Variants in SNX29 observed in about 807,000 individuals in gnomAD.
SNX29 encodes sorting nexin-29.
SNX29 carries 78 observed loss-of-function variants against 102.1 expected under a neutral mutation model. The ratio of observed to expected loss-of-function variants is 0.76; its 90% CI spans 0.64 to 0.92. The LOEUF is 0.92. SNX29 is among the 40% of genes least tolerant of loss of function. The pLI is 0.00. For missense variants in SNX29, 1,280 were observed against 1,061.7 expected, an observed-to-expected ratio of 1.21 and a Z score of -2.86; for synonymous variants, 580 against 414.5, an observed-to-expected ratio of 1.40 and a Z score of -4.85.
intron 14 of SNX29, among the ~76,000 whole-genome samples, chr16:12,253,816 G>C (rs1241657695): frequency 6.6e-6 from 1 of 152,180 alleles, no homozygotes; most frequent in African/African-American, 2.4e-5. Context: ...GAAGTTTGCT[G>C]TGTGGAGACT....
chr16:12,199,497 T>C, intron 13 of SNX29, 104 bp from the exon 14 acceptor site: 1 of 836,108 alleles, frequency 1.2e-6, no homozygotes, highest in East Asian at 2.7e-5. Context: ...AGATGCAAAT[T>C]GTGCTTTTCT....
rs915963780 is a variant in SNX29 at position 12,569,416 on chromosome 16, C to A, written c.*787C>A. 2 of 230,366 alleles carry A rather than the reference C, an allele frequency of 8.7e-6. No homozygotes were observed. Among genetic ancestry groups the A allele is most frequent in the Non-Finnish European group, 1.7e-5 (2 of 116,370 alleles). 14.3% of individuals were successfully genotyped at this position (230,366 alleles called of 1,614,324 possible). On this transcript the variant is annotated 3_prime_UTR_variant, in exon 21 of 21. Transcript: ENST00000566228. ...CATCAGCAGCAACCTAGTAACCCGG[C>A]GTCATCCAGCGTGTCCAAAGTAGCA...
chr16:12,336,492 T>C, intron 15 of SNX29, among the ~76,000 whole-genome samples: 1 of 152,182 alleles, frequency 6.6e-6, no homozygotes, highest in East Asian at 1.9e-4. Flanking sequence ...GCTTAAAATT[T>C]TTTCCCCTCA....
At chr16:12,109,841 C>T (rs548011613) in intron 11 of SNX29, among the ~76,000 whole-genome samples, 1 of 152,264 alleles carries the variant, frequency 6.6e-6, no homozygotes, top group South Asian at 2.1e-4. Flanking sequence ...AGCAGTTCTC[C>T]TGCCTCAGCC....
chr16:11,997,966 AG>A (rs1229392310), intron 1 of SNX29, among the ~76,000 whole-genome samples: 1 of 152,164 alleles, frequency 6.6e-6, no homozygotes, highest in Non-Finnish European at 1.5e-5. Context: ...CCTGGCTTAT[AG>A]GGTGAATGTG....
chr16:12,170,556 T>A (rs113174984), intron 13 of SNX29, among the ~76,000 whole-genome samples: 2,993 of 151,730 alleles, frequency 0.02, 101 homozygotes, highest in African/African-American at 0.068. Context: ...GTAGATGGGC[T>A]GTTCGTGGGG....
At chr16:12,412,396 T>G (rs766613815) in intron 18 of SNX29, among the ~76,000 whole-genome samples, 6 of 152,208 alleles carry the variant, frequency 3.9e-5, no homozygotes, top group Non-Finnish European at 7.3e-5. Context: ...TGAACCTGTT[T>G]CCATAACATG....
chr16:12,554,142 T>C (rs2078172033), intron 20 of SNX29, among the ~76,000 whole-genome samples: 1 of 152,254 alleles, frequency 6.6e-6, no homozygotes, highest in South Asian at 2.1e-4. Context: ...TGCTTTGCTC[T>C]TTACTGTGTT....
At chr16:12,449,782 C>T (rs1197246597) in intron 18 of SNX29, among the ~76,000 whole-genome samples, 2 of 152,198 alleles carry the variant, frequency 1.3e-5, no homozygotes, top group East Asian at 3.9e-4. Context: ...GTGAACTTTC[C>T]TAAATCCCAT....
At chr16:12,187,083 T>C (rs1333086463) in intron 13 of SNX29, among the ~76,000 whole-genome samples, 4 of 152,194 alleles carry the variant, frequency 2.6e-5, no homozygotes, top group African/African-American at 4.8e-5. Flanking sequence ...TCTTGAAGAG[T>C]TGGAAGATCT....
At chr16:12,028,138 G>T (rs1469078920) in intron 4 of SNX29, among the ~76,000 whole-genome samples, 5 of 152,142 alleles carry the variant, frequency 3.3e-5, no homozygotes, top group African/African-American at 1.2e-4. Context: ...CACGGCTGCT[G>T]CTGGGAATCC....
At chr16:12,563,916 G>T (rs755699522) in intron 20 of SNX29, among the ~76,000 whole-genome samples, 3 of 152,236 alleles carry the variant, frequency 2.0e-5, no homozygotes, top group Non-Finnish European at 2.9e-5. Context: ...GGCAGCCGAA[G>T]ACCTACAATA....
chr16:12,253,091 G>T (rs552830156), intron 14 of SNX29, among the ~76,000 whole-genome samples: 1 of 152,274 alleles, frequency 6.6e-6, no homozygotes, highest in South Asian at 2.1e-4. Flanking sequence ...CATGTTCAAG[G>T]GTTCATTCAC....
At chr16:12,279,601 G>A (rs1037020794) in intron 15 of SNX29, among the ~76,000 whole-genome samples, 6 of 152,276 alleles carry the variant, frequency 3.9e-5, no homozygotes, top group South Asian at 2.1e-4. Flanking sequence ...GTCTGTGCCC[G>A]GAAGTCCCAA....
At chr16:12,118,314 T>TTTC (rs1491232262) in intron 11 of SNX29, among the ~76,000 whole-genome samples, 2 of 50,588 alleles carry the variant, frequency 4.0e-5, no homozygotes. Flanking sequence ...ACAGACCACC[T>TTTC]TTTTTTTTTT....
intron 13 of SNX29, among the ~76,000 whole-genome samples, chr16:12,152,062 T>A (rs2055324754): frequency 6.6e-6 from 1 of 152,012 alleles, no homozygotes; most frequent in South Asian, 2.1e-4. Flanking sequence ...CTACAAAAAA[T>A]ATAAAGAAAT....
rs1029677215 is a variant in SNX29, at chr16:12,524,726, A to C, written c.2203A>C (p.Arg735=). The C allele has an allele frequency of 6.2e-7, 1 of 1,613,530 alleles. No homozygotes were observed. The highest frequency in any genetic ancestry group is 1.3e-5 in the African/African-American group (1 of 74,904). The change falls in exon 20 of 21, where the codon AGA becomes CGA. Residue 735 remains arginine, a synonymous_variant. Coordinates refer to ENST00000566228, the MANE Select transcript of SNX29 (RefSeq NM_032167.5). The stretch of plus-strand genomic sequence containing the variant: ...GGATGCCAAGTTTGTGGAGGAACGG[A>C]GAAAGCAGCTCCAGAATTACCTGCG... ...NKDAKFVEER[R]KQLQNYLRSV...
rs916548494 is a variant in SNX29 at position 12,433,646 on chromosome 16, A to G, written c.2037+30117A>G. Among the ~76,000 whole-genome samples the G allele has an allele frequency of 1.0e-4, 14 of 135,224 alleles. 1 individual carries two copies. The highest frequency in any genetic ancestry group is 8.8e-4 in the South Asian group (4 of 4,524). 88.7% of individuals were successfully genotyped at this position (135,224 alleles called of 152,430 possible). A position where few individuals can be genotyped will look rare whatever the true frequency, so the allele number is the denominator to read the frequency against. ...ACTGCGTCTCAAAAAAAAAAAAAAA[A>G]AAAAGGAAACTTAGCTGGGCGTGGT... On this transcript the variant is annotated intron_variant, in intron 18 of 20. Coordinates refer to ENST00000566228, the MANE Select transcript of SNX29 (RefSeq NM_032167.5).
At chr16:12,478,614 A>G (rs956706394) in intron 19 of SNX29, among the ~76,000 whole-genome samples, 3 of 152,190 alleles carry the variant, frequency 2.0e-5, no homozygotes, top group Admixed American at 6.5e-5. Context: ...CCTGGAGAAG[A>G]CAGACCTGGG....
Sources: allele counts gnomAD v4.1 joint callset (sites outside exome capture counted in the v4.1 genomes callset), GRCh38; gene constraint gnomAD v4.1.1; transcripts MANE v1.5; gene names NCBI Gene and HGNC (gene_info 2026-07-23, HGNC 2026-07-21).